Variants in CHRNG observed in about 807,000 individuals in gnomAD.
The protein encoded by CHRNG is acetylcholine receptor subunit gamma.
A neutral mutation model predicts 65.2 loss-of-function variants in CHRNG; 72 were observed. The ratio of observed to expected loss-of-function variants is 1.10; its 90% CI spans 0.91 to 1.34. The LOEUF (loss-of-function observed/expected upper bound fraction) is 1.34. CHRNG is among the 40% of genes most tolerant of loss of function. The probability of loss-of-function intolerance (pLI) is 0.00; values close to 1 mark genes in which losing one functional copy is unlikely to be tolerated. For missense variants in CHRNG, 637 were observed against 680.1 expected (o/e 0.94, Z 0.70); for synonymous variants, 284 against 290.2 (o/e 0.98, Z 0.22).
rs771588131 is a variant in CHRNG, at chr2:232,540,611, G to A, written c.250G>A (p.Asp84Asn). 9 of 1,611,728 alleles carry A rather than the reference G, an allele frequency of 5.6e-6. No individual in the cohort carries two copies. Among genetic ancestry groups the A allele is most frequent in the Non-Finnish European group, 7.6e-6 (9 of 1,179,894 alleles). Residue 84 changes from aspartate to asparagine, a missense_variant, in exon 4 of 12, where the codon GAC becomes AAC. Coordinates refer to ENST00000651502, the MANE Select transcript of CHRNG (RefSeq NM_005199.5). This position sits in a 1 kb window ranked among gnomAD's most constrained non-coding sequence, Gnocchi z 4.2. ...TNVWIEMQWC[D>N]YRLRWDPRDY... is the part of the protein sequence containing the mutation. ...GCCCCTCCCCCTGCAGCAGTGGTGC[G>A]ACTATCGCCTGCGCTGGGATCCGCG...
At position 232,540,265 on chromosome 2, in the gene CHRNG, G is replaced by A. The variant is rs918404063; in HGVS notation, c.196-116G>A. Reference sequence around the variant, plus strand: ...GGCTGGGGTCTGGAAAACCCCCATGGTTGTGGGGGGAGTACTATCAAGAGG... The same window carrying A: ...GGCTGGGGTCTGGAAAACCCCCATGATTGTGGGGGGAGTACTATCAAGAGG... On this transcript the variant is annotated intron_variant, in intron 2 of 11. Coordinates refer to ENST00000651502, the MANE Select transcript of CHRNG (RefSeq NM_005199.5). The surrounding 1 kb of genome is among the most constrained non-coding windows in gnomAD (Gnocchi z 4.2). The A allele has an allele frequency of 3.1e-6, 5 of 1,590,274 alleles. No homozygotes were observed. The highest frequency in any genetic ancestry group is 1.7e-5 in the Admixed American group (1 of 59,888).
chr2:232,544,390 G>A lies in CHRNG; in HGVS notation c.1059G>A (p.Gln353=), dbSNP rs200220463. Reference sequence around the variant, plus strand: ...AGGTGTTCCTGAGGCTCTTGCCCCAGCTGCTGAGGATGCACGTTCGCCCGC... The same window carrying A: ...AGGTGTTCCTGAGGCTCTTGCCCCAACTGCTGAGGATGCACGTTCGCCCGC... ...VRKVFLRLLP[Q]LLRMHVRPLA... Residue 353 remains glutamine (Q), a synonymous_variant, in exon 10 of 12, where the codon CAG becomes CAA. Transcript: ENST00000651502. 9 of 1,613,420 alleles carry A rather than the reference G, an allele frequency of 5.6e-6. No homozygotes were observed. Among genetic ancestry groups the A allele is most frequent in the Middle Eastern group, 3.3e-4 (2 of 6,058 alleles).
At position 232,539,991 on chromosome 2, in the gene CHRNG, G is replaced by A. The variant is rs1265493319; in HGVS notation, c.56-1G>A. 36 of 1,614,026 alleles carry A rather than the reference G, an allele frequency of 2.2e-5. No individual in the cohort carries two copies. Among genetic ancestry groups the A allele is most frequent in the Non-Finnish European group, 2.7e-5 (32 of 1,180,020 alleles). ...GCTAGGCTCACGCCTGTCTATTGCA[G>A]GGGCCCAGGGCCGGAACCAGGAGGA... On this transcript the variant is annotated splice_acceptor_variant, in intron 1 of 11. Transcript: ENST00000651502. LOFTEE classifies it high-confidence loss of function.
rs1407424399 is a variant in CHRNG, at chr2:232,541,116, T to TA, written c.351-258_351-257insA. ...ATGACTATTATTATTATTATTATTA[T>TA]TATGATTAAAACAAGAGAGAGTAAG... is the stretch of plus-strand genomic sequence containing the variant. On this transcript the variant is annotated intron_variant, in intron 4 of 11. Coordinates refer to ENST00000651502, the MANE Select transcript of CHRNG (RefSeq NM_005199.5). The surrounding 1 kb of genome is among the most constrained non-coding windows in gnomAD (Gnocchi z 4.0). 3.8e-3 allele frequency among the ~76,000 whole-genome samples: 562 copies of TA among 146,956 alleles called. 2 individuals are homozygous for TA. Among genetic ancestry groups the TA allele is most frequent in the African/African-American group, 0.013 (524 of 40,674 alleles).
chr2:232,545,852 C>T lies in CHRNG; in HGVS notation c.*136C>T. The T allele has an allele frequency of 1.0e-6, 1 of 997,486 alleles. No homozygotes were observed. The highest frequency in any genetic ancestry group is 1.3e-5 in the South Asian group (1 of 74,858). 61.8% of individuals were successfully genotyped at this position (997,486 alleles called of 1,614,324 possible). On this transcript the variant is annotated 3_prime_UTR_variant, in exon 12 of 12. Transcript: ENST00000651502. Reference sequence around the variant, plus strand: ...TCAGGACTGTGTGAGCCAAACAGCCCTGAGAAAAGCTGGGGAAACAGTCTG... The same window carrying T: ...TCAGGACTGTGTGAGCCAAACAGCCTTGAGAAAAGCTGGGGAAACAGTCTG...
In CHRNG at chr2:232,546,802, C is replaced by CT. The variant is rs1311290502; in HGVS notation, c.*1087dup. Reference sequence around the variant, plus strand: ...CCTGACTCTGACCCAATCTGACACTCTAAGATTCTACGGCCTGAAAAACAG... The same window carrying CT: ...CCTGACTCTGACCCAATCTGACACTCTTAAGATTCTACGGCCTGAAAAACAG... On this transcript the variant is annotated 3_prime_UTR_variant, in exon 12 of 12. Transcript: ENST00000651502. Among the ~76,000 whole-genome samples the CT allele has an allele frequency of 6.6e-6, 1 of 152,172 alleles. No individual in the cohort carries two copies. Among genetic ancestry groups the CT allele is most frequent in the Non-Finnish European group, 1.5e-5 (1 of 68,036 alleles).
At chr2:232,545,498 C>A (rs760566845) in intron 11 of CHRNG, 45 bp from the exon 12 acceptor site, 62 of 1,571,268 alleles carry the variant, frequency 3.9e-5, no homozygotes, top group Non-Finnish European at 5.1e-5. Flanking sequence ...CCAGGGAAGA[C>A]CTGGTGCCGC....
intron 8 of CHRNG, 97 bp downstream of exon 8, chr2:232,543,486 C>CCCCA: frequency 8.5e-7 from 1 of 1,182,716 alleles, no homozygotes; most frequent in Non-Finnish European, 1.2e-6. Context: ...ATCCACCCCC[C>CCCCA]CCATCCTCAA....
Position 232,545,941 on chromosome 2 carries a change from C to T in CHRNG, c.*225C>T, listed in dbSNP as rs924796790. The stretch of plus-strand genomic sequence containing the variant: ...AGTGTCCTGCTGCAGTCAGCACACA[C>T]GTGGGATTGGCTAGCTCATCCTGGC... On this transcript the variant is annotated 3_prime_UTR_variant, in exon 12 of 12. Transcript: ENST00000651502. The T allele has an allele frequency of 2.8e-5, 18 of 635,066 alleles. 1 individual carries two copies. The highest frequency in any genetic ancestry group is 3.6e-5 in the African/African-American group (2 of 56,044). 39.3% of individuals were successfully genotyped at this position (635,066 alleles called of 1,614,324 possible).
chr2:232,544,478 A>G lies in CHRNG; in HGVS notation c.1147A>G (p.Ile383Val), dbSNP rs757713399. The G allele has an allele frequency of 6.0e-5, 97 of 1,613,668 alleles. No homozygotes were observed. The highest frequency in any genetic ancestry group is 8.1e-5 in the Non-Finnish European group (96 of 1,180,030). The change falls in exon 10 of 12, where the codon ATC becomes GTC. Residue 383 changes from isoleucine (I) to valine (V), a missense_variant. Transcript: ENST00000651502. ...RLQNGSSGWSITTGEEVALCL... is the reference protein window; with the variant it reads ...RLQNGSSGWSVTTGEEVALCL... ...ACAGAATGGCTCCTCGGGATGGTCG[A>G]TCACAACTGGGGAGGAGGTGGCCCT...
rs1692047855 is a variant in CHRNG, at chr2:232,542,966, A to G, written c.689A>G (p.Lys230Arg). The G allele has an allele frequency of 6.2e-7, 1 of 1,613,994 alleles. No individual in the cohort carries two copies. Among genetic ancestry groups the G allele is most frequent in the Admixed American group, 1.7e-5 (1 of 60,006 alleles). The change falls in exon 7 of 12, where the codon AAG (lysine) becomes AGG (arginine). Residue 230 changes from lysine to arginine, a missense_variant. Lys to Arg is a conservative substitution (Grantham distance 26). Coordinates refer to ENST00000651502, the MANE Select transcript of CHRNG (RefSeq NM_005199.5). ...AAPAQEAGHQKVVFYLLIQRK... is the reference protein window; with the variant it reads ...AAPAQEAGHQRVVFYLLIQRK... ...CCAGCCCAGGAAGCAGGCCACCAGA[A>G]GGTGGTGTTCTACCTGCTCATCCAG... is the stretch of plus-strand genomic sequence containing the variant.
chr2:232,540,799 G>A lies in CHRNG; in HGVS notation c.350+88G>A. 8.1e-7 allele frequency: 1 copy of A among 1,233,468 alleles called. No homozygotes were observed. The highest frequency in any genetic ancestry group is 1.2e-6 in the Non-Finnish European group (1 of 867,626). 76.4% of individuals were successfully genotyped at this position (1,233,468 alleles called of 1,614,324 possible). A position where few individuals can be genotyped will look rare whatever the true frequency, so the allele number is the denominator to read the frequency against. On this transcript the variant is annotated intron_variant, in intron 4 of 11. Transcript: ENST00000651502. The surrounding 1 kb of genome is among the most constrained non-coding windows in gnomAD (Gnocchi z 4.2). ...ACAAGGCACTCTGGGAAAAGAGAAAGATGAGCAGAGGGTGCAAATCGGGCA... is the reference window on the plus strand; with the variant it reads ...ACAAGGCACTCTGGGAAAAGAGAAAAATGAGCAGAGGGTGCAAATCGGGCA...
In CHRNG at chr2:232,540,287, G is replaced by T; in HGVS notation, c.196-94G>T. The T allele has an allele frequency of 6.2e-7, 1 of 1,601,698 alleles. No individual in the cohort carries two copies. The highest frequency in any genetic ancestry group is 8.6e-7 in the Non-Finnish European group (1 of 1,168,952). ...ATGGTTGTGGGGGGAGTACTATCAA[G>T]AGGCTGGGGGATGCTTGGCCCCATT... On this transcript the variant is annotated intron_variant, in intron 2 of 11. Transcript: ENST00000651502. The surrounding 1 kb of genome is among the most constrained non-coding windows in gnomAD (Gnocchi z 4.2).
Position 232,541,678 on chromosome 2 carries a change from C to A in CHRNG, c.506+149C>A. ...CTCCCCTGGGCCTCTGTGCCCATCTCAGGCTAAGACACCTGAAGGTGCCCA... is the reference window on the plus strand; with the variant it reads ...CTCCCCTGGGCCTCTGTGCCCATCTAAGGCTAAGACACCTGAAGGTGCCCA... On this transcript the variant is annotated intron_variant, in intron 5 of 11. Transcript: ENST00000651502. The surrounding 1 kb of genome is among the most constrained non-coding windows in gnomAD (Gnocchi z 4.0). 1.1e-6 allele frequency: 1 copy of A among 941,428 alleles called. No individual in the cohort carries two copies. The highest frequency in any genetic ancestry group is 1.6e-5 in the African/African-American group (1 of 61,862). The allele number at this position is 941,428 out of a possible 1,614,324, so 58.3% of individuals were successfully genotyped here. A position where few individuals can be genotyped will look rare whatever the true frequency, so the allele number is the denominator to read the frequency against.
rs778912401 is a variant in CHRNG at position 232,540,026 on chromosome 2, C to G, written c.90C>G (p.Leu30=). 1.9e-6 allele frequency: 3 copies of G among 1,614,092 alleles called. No homozygotes were observed. The highest frequency in any genetic ancestry group is 1.1e-5 in the South Asian group (1 of 91,092). The part of the protein sequence containing the change: ...AQGRNQEERL[L]ADLMQNYDPN... ...GCCGGAACCAGGAGGAGCGCCTGCTCGCAGACCTGATGCAAAACTACGACC... is the reference window on the plus strand; with the variant it reads ...GCCGGAACCAGGAGGAGCGCCTGCTGGCAGACCTGATGCAAAACTACGACC... Residue 30 remains leucine (L), a synonymous_variant, in exon 2 of 12, where the codon CTC becomes CTG. Coordinates refer to ENST00000651502, the MANE Select transcript of CHRNG (RefSeq NM_005199.5). This position sits in a 1 kb window ranked among gnomAD's most constrained non-coding sequence, Gnocchi z 4.2.
intron 9 of CHRNG, 50 bp downstream of exon 9, chr2:232,543,749 G>C (rs779291270): frequency 8.8e-7 from 1 of 1,137,710 alleles, no homozygotes; most frequent in South Asian, 1.2e-5. Flanking sequence ...ACTCCCCTAC[G>C]CCTCCCTCTC....
In CHRNG at chr2:232,541,441, T is replaced by C. The variant is rs763399820; in HGVS notation, c.418T>C (p.Trp140Arg). 1.2e-6 allele frequency: 2 copies of C among 1,614,164 alleles called. No individual in the cohort carries two copies. The highest frequency in any genetic ancestry group is 1.1e-5 in the South Asian group (1 of 91,090). The change falls in exon 5 of 12, where the codon TGG becomes CGG. Residue 140 changes from tryptophan (W) to arginine (R), a missense_variant. Coordinates refer to ENST00000651502, the MANE Select transcript of CHRNG (RefSeq NM_005199.5). This position sits in a 1 kb window ranked among gnomAD's most constrained non-coding sequence, Gnocchi z 4.0. Reference sequence around the variant, plus strand: ...CGTGTCCCCTGACGGCTGTATCTACTGGCTGCCGCCTGCCATCTTCCGTTC... The same window carrying C: ...CGTGTCCCCTGACGGCTGTATCTACCGGCTGCCGCCTGCCATCTTCCGTTC... Reference protein sequence around the residue: ...VLVSPDGCIYWLPPAIFRSAC... With the variant: ...VLVSPDGCIYRLPPAIFRSAC...
Position 232,548,108 on chromosome 2 carries a change from C to A in CHRNG, c.*2392C>A. The A allele has an allele frequency of 1.4e-6, 1 of 701,124 alleles. No homozygotes were observed. The highest frequency in any genetic ancestry group is 2.1e-5 in the South Asian group (1 of 47,824). 43.4% of individuals were successfully genotyped at this position (701,124 alleles called of 1,614,324 possible). ...TTTATTGCTAAAAAATGCTGATTAT[C>A]AATCTGAGCCTTCGGTGAGTCGTAC... On this transcript the variant is annotated 3_prime_UTR_variant, in exon 12 of 12. Transcript: ENST00000651502.
In CHRNG at chr2:232,540,196, G is replaced by A. The variant is rs1559302577; in HGVS notation, c.195+65G>A. 6.2e-7 allele frequency: 1 copy of A among 1,613,374 alleles called. No individual in the cohort carries two copies. Among genetic ancestry groups the A allele is most frequent in the Non-Finnish European group, 8.5e-7 (1 of 1,179,646 alleles). On this transcript the variant is annotated intron_variant, in intron 2 of 11. Transcript: ENST00000651502. The surrounding 1 kb of genome is among the most constrained non-coding windows in gnomAD (Gnocchi z 4.2). ...CTGGGACCTGCTGGGGATAGCATGG[G>A]GTGGCTCCAGCCACCAAGAGGTTGG...
Sources: allele counts gnomAD v4.1 joint callset (sites outside exome capture counted in the v4.1 genomes callset), GRCh38; gene constraint gnomAD v4.1.1; non-coding constraint Gnocchi (gnomAD v3.1); transcripts MANE v1.5; gene names NCBI Gene and HGNC (gene_info 2026-07-23, HGNC 2026-07-21).